The following COL9A1 variants were observed in gnomAD, a reference collection of about 807,000 sequenced individuals.
COL9A1 encodes the protein collagen alpha-1(IX) chain.
A neutral mutation model predicts 142.6 loss-of-function variants in COL9A1; 104 were observed. The observed-to-expected ratio is 0.73, with a 90% CI of 0.62 to 0.86. COL9A1 has a LOEUF of 0.86. COL9A1 is among the 40% of genes least tolerant of loss of function. The pLI is 0.00. For missense variants in COL9A1, 1,210 were observed against 1,176.6 expected (o/e 1.03, Z -0.42); for synonymous variants, 466 against 396.0 (o/e 1.18, Z -2.10).
In COL9A1 at chr6:70,255,011, C is replaced by A. The variant is rs770549428; in HGVS notation, c.1617G>T (p.Leu539Phe). 3 of 1,614,198 alleles carry A rather than the reference C, an allele frequency of 1.9e-6. No individual in the cohort carries two copies. The highest frequency in any genetic ancestry group is 2.5e-6 in the Non-Finnish European group (3 of 1,180,016). The change falls in exon 24 of 38, where the codon TTG becomes TTT. Residue 539 changes from leucine (L) to phenylalanine (F), a missense_variant. Transcript: ENST00000357250. ...TCCCATCACGGCCATCCACACCTGG[C>A]AAACCCTAAACACACACAAAGAAAC... The part of the protein sequence containing the change: ...GLPGPKGDTG[L>F]PGVDGRDGIP...
chr6:70,273,687 C>A (rs558863147), intron 12 of COL9A1, among the ~76,000 whole-genome samples: 1 of 152,156 alleles, frequency 6.6e-6, no homozygotes, highest in East Asian at 1.9e-4. Flanking sequence ...GGTGTGACAC[C>A]ATGGTCTAAA....
At chr6:70,244,020 T>C (rs944040944) in intron 28 of COL9A1, among the ~76,000 whole-genome samples, 60 of 152,240 alleles carry the variant, frequency 3.9e-4, no homozygotes, top group Non-Finnish European at 1.5e-4. Context: ...TTCTGACTCG[T>C]GCTATTTATT....
chr6:70,299,627 T>C (rs1773980958), intron 4 of COL9A1, among the ~76,000 whole-genome samples: 1 of 152,174 alleles, frequency 6.6e-6, no homozygotes, highest in Non-Finnish European at 1.5e-5. Context: ...GCAGTGGACG[T>C]GTGGCTCCAT....
intron 30 of COL9A1, 123 bp downstream of exon 30, chr6:70,241,841 T>G: frequency 1.2e-6 from 1 of 829,344 alleles, no homozygotes; most frequent in Middle Eastern, 2.8e-4. Context: ...AATATCTTTC[T>G]TGATAGCTGT....
intron 2 of COL9A1, among the ~76,000 whole-genome samples, chr6:70,301,319 T>C (rs1329429769): frequency 6.6e-6 from 1 of 152,216 alleles, no homozygotes; most frequent in African/African-American, 2.4e-5. Context: ...CTCACGCCTG[T>C]AATCCCAGCA....
intron 5 of COL9A1, among the ~76,000 whole-genome samples, chr6:70,285,796 A>G (rs1773430541): frequency 6.6e-6 from 1 of 152,254 alleles, no homozygotes; most frequent in Non-Finnish European, 1.5e-5. Flanking sequence ...ATATTTCTCC[A>G]TTGTCTCAAG....
intron 28 of COL9A1, among the ~76,000 whole-genome samples, chr6:70,243,262 T>C (rs1383679565): frequency 6.6e-6 from 1 of 152,222 alleles, no homozygotes; most frequent in African/African-American, 2.4e-5. Context: ...AGTAAAAATT[T>C]TTTTCTTCTA....
intron 5 of COL9A1, among the ~76,000 whole-genome samples, chr6:70,287,625 C>A (rs951638519): frequency 6.8e-6 from 1 of 146,852 alleles, no homozygotes; most frequent in African/African-American, 2.5e-5. Flanking sequence ...ACTACTGTCT[C>A]CAATTCTTCT....
intron 5 of COL9A1, among the ~76,000 whole-genome samples, chr6:70,293,592 C>G (rs1490530484): frequency 2.0e-5 from 3 of 151,306 alleles, no homozygotes; most frequent in African/African-American, 7.3e-5. Context: ...TCTCACCACT[C>G]TGAAGATAGT....
chr6:70,295,281 C>CTTTTTTTTTTTTTT lies in COL9A1; in HGVS notation c.300-732_300-719dup, dbSNP rs1171549562. Among the ~76,000 whole-genome samples the CTTTTTTTTTTTTTT allele has an allele frequency of 4.7e-5, 3 of 63,166 alleles. 1 individual carries two copies. The highest frequency in any genetic ancestry group is 1.3e-4 in the African/African-American group (2 of 15,656). 41.4% of individuals were successfully genotyped at this position (63,166 alleles called of 152,430 possible). A position where few individuals can be genotyped will look rare whatever the true frequency, so the allele number is the denominator to read the frequency against. On this transcript the variant is annotated intron_variant, in intron 4 of 37. Coordinates refer to ENST00000357250, the MANE Select transcript of COL9A1 (RefSeq NM_001851.6). Reference sequence around the variant, plus strand: ...CTCTACTGCAACTCTGTTGTTGCTTCTTTTTTTTTTTTTTTTTTTTTTTTT... The same window carrying CTTTTTTTTTTTTTT: ...CTCTACTGCAACTCTGTTGTTGCTTCTTTTTTTTTTTTTTTTTTTTTTTTTTTTTTTTTTTTTTT...
intron 29 of COL9A1, among the ~76,000 whole-genome samples, 156 bp downstream of exon 29, chr6:70,242,506 A>C (rs1392333805): frequency 6.6e-6 from 1 of 152,246 alleles, no homozygotes; most frequent in Non-Finnish European, 1.5e-5. Context: ...TATCCTACCC[A>C]TAATTTGAAA....
intron 29 of COL9A1, 64 bp from the exon 30 acceptor site, chr6:70,242,099 GA>G: frequency 7.2e-7 from 1 of 1,390,254 alleles, no homozygotes; most frequent in South Asian, 1.2e-5. Flanking sequence ...ACGGAAGGCA[GA>G]AACAACCTTG....
intron 6 of COL9A1, 122 bp from the exon 7 acceptor site, chr6:70,283,040 C>G: frequency 6.2e-7 from 1 of 1,601,864 alleles, no homozygotes; most frequent in Non-Finnish European, 8.5e-7. Flanking sequence ...CGGTCCCGCG[C>G]AGTCCAGGCC....
Position 70,240,670 on chromosome 6 carries a change from C to G in COL9A1, c.2079+19G>C. On this transcript the variant is annotated intron_variant, in intron 32 of 37. Coordinates refer to ENST00000357250, the MANE Select transcript of COL9A1 (RefSeq NM_001851.6). Reference sequence around the variant, plus strand: ...AAATTGGTAAAGCTTCATCATTAACCAGAAAAAAAAAATCTTACAAGTTCC... The same window carrying G: ...AAATTGGTAAAGCTTCATCATTAACGAGAAAAAAAAAATCTTACAAGTTCC... The G allele has an allele frequency of 6.2e-7, 1 of 1,602,250 alleles. No homozygotes were observed. Among genetic ancestry groups the G allele is most frequent in the Non-Finnish European group, 8.5e-7 (1 of 1,170,988 alleles).
At chr6:70,278,057 GA>G (rs1409565928) in intron 10 of COL9A1, among the ~76,000 whole-genome samples, 1 of 152,018 alleles carries the variant, frequency 6.6e-6, no homozygotes, top group Non-Finnish European at 1.5e-5. Context: ...TCAAAGAGTG[GA>G]ATAAGAAAAC....
In COL9A1 at chr6:70,232,598, A is replaced by C. The variant is rs1239722775; in HGVS notation, c.2488T>G (p.Leu830Val). The change falls in exon 36 of 38, where the codon TTG becomes GTG. Residue 830 changes from leucine to valine, a missense_variant. Transcript: ENST00000357250. ...GIKGPPGALG[L>V]RGPKGDLGEK... ...GATGACTTACCTTTAGGTCCCCTCA[A>C]ACCAAGAGCACCAGGGGGCCCCTTA... 2.5e-6 allele frequency: 4 copies of C among 1,614,014 alleles called. No individual in the cohort carries two copies. Among genetic ancestry groups the C allele is most frequent in the Non-Finnish European group, 3.4e-6 (4 of 1,180,018 alleles).
Position 70,280,458 on chromosome 6 carries a change from C to A in COL9A1, c.975+354G>T, listed in dbSNP as rs1773073024. 2.7e-5 allele frequency: 34 copies of A among 1,243,370 alleles called. 1 individual carries two copies. The highest frequency in any genetic ancestry group is 6.3e-4 in the Middle Eastern group (2 of 3,154). 77.0% of individuals were successfully genotyped at this position (1,243,370 alleles called of 1,614,324 possible). On this transcript the variant is annotated intron_variant, in intron 10 of 37. Coordinates refer to ENST00000357250, the MANE Select transcript of COL9A1 (RefSeq NM_001851.6). ...GCCAGTGGGCTCACAGCAGGTAAGC[C>A]GAAGCCAGTACAATCTATTGCCATC...
intron 36 of COL9A1, among the ~76,000 whole-genome samples, chr6:70,231,480 C>T (rs1769538762): frequency 6.6e-6 from 1 of 152,084 alleles, no homozygotes; most frequent in Admixed American, 6.5e-5. Context: ...TTTTGTCTAG[C>T]CTCCCAAAGC....
chr6:70,281,627 G>A (rs1269921025), intron 7 of COL9A1, among the ~76,000 whole-genome samples, 163 bp from the exon 8 acceptor site: 3 of 152,134 alleles, frequency 2.0e-5, no homozygotes, highest in African/African-American at 7.2e-5. Flanking sequence ...CCAAGCAAGC[G>A]CAGCTTTGGT....
Sources: allele counts gnomAD v4.1 joint callset (sites outside exome capture counted in the v4.1 genomes callset), GRCh38; gene constraint gnomAD v4.1.1; transcripts MANE v1.5; gene names NCBI Gene and HGNC (gene_info 2026-07-23, HGNC 2026-07-21).